The following CLDN18 variants were observed in gnomAD, a reference collection of about 807,000 sequenced individuals.
The protein encoded by CLDN18 is claudin 18, also known as claudin-18.
In CLDN18, 20 loss-of-function variants were observed where a neutral mutation model predicts 25.0. The ratio of observed to expected loss-of-function variants is 0.80; its 90% CI spans 0.56 to 1.16. CLDN18 has a LOEUF of 1.16. Among genes scored for constraint, CLDN18 ranks in the 50% most tolerant of loss-of-function variants. CLDN18 has a pLI of 0.00. For synonymous variants in CLDN18, 125 were observed against 135.6 expected, an observed-to-expected ratio of 0.92 and a Z score of 0.54; for missense variants, 297 against 345.4, an observed-to-expected ratio of 0.86 and a Z score of 1.11.
At chr3:138,001,856 T>C (rs1157569512) in intron 1 of CLDN18, among the ~76,000 whole-genome samples, 1 of 152,182 alleles carries the variant, frequency 6.6e-6, no homozygotes, top group African/African-American at 2.4e-5. Context: ...TCCTTATGCA[T>C]ATGTCTTATA....
intron 1 of CLDN18, among the ~76,000 whole-genome samples, chr3:138,019,478 G>T (rs1422289220): frequency 6.6e-6 from 1 of 152,064 alleles, no homozygotes; most frequent in Non-Finnish European, 1.5e-5. Context: ...CTCCACCAGG[G>T]CCCCAGTCCA....
intron 1 of CLDN18, among the ~76,000 whole-genome samples, chr3:138,018,859 C>T (rs1185557083): frequency 2.0e-5 from 3 of 152,208 alleles, no homozygotes; most frequent in Non-Finnish European, 2.9e-5. Flanking sequence ...GGTCTTCTGT[C>T]CATTTTTCCT....
At chr3:138,005,575 C>T (rs568888310), upstream of CLDN18, among the ~76,000 whole-genome samples, 10 of 152,110 alleles carry the variant, frequency 6.6e-5, no homozygotes, top group East Asian at 1.9e-4. Context: ...AACTCATATT[C>T]GTTTTTTTCA....
upstream of CLDN18, among the ~76,000 whole-genome samples, chr3:138,008,872 C>T (rs910312348): frequency 6.6e-6 from 1 of 152,070 alleles, no homozygotes; most frequent in African/African-American, 2.4e-5. Flanking sequence ...TTTGCAGTGA[C>T]CCCGATGACA....
At chr3:138,030,353 A>G (rs1942376221) in intron 4 of CLDN18, among the ~76,000 whole-genome samples, 2 of 152,244 alleles carry the variant, frequency 1.3e-5, no homozygotes, top group Admixed American at 6.5e-5. Context: ...CATCTGTTCC[A>G]AAACGTCAAC....
exon 1 of CLDN18, chr3:137,998,960 G>C: frequency 6.2e-7 from 1 of 1,614,242 alleles, no homozygotes; most frequent in Non-Finnish European, 8.5e-7. Flanking sequence ...GACCAGTGGA[G>C]CACCCAAGAC....
Position 138,026,798 on chromosome 3 carries a change from C to T in CLDN18, c.503+2074C>T, listed in dbSNP as rs141728299. On this transcript the variant is annotated intron_variant, in intron 3 of 4. Coordinates refer to ENST00000183605, the MANE Select transcript of CLDN18 (RefSeq NM_016369.4). ...GACGGGAAGGAAGGGAAGCCAAGCA[C>T]GGGCGTGATTTCAGGTGAAGCCCTG... Among the ~76,000 whole-genome samples, 351 of 152,250 alleles carry T rather than the reference C, an allele frequency of 2.3e-3. 2 individuals carry two copies. Among genetic ancestry groups the T allele is most frequent in the Middle Eastern group, 0.01 (3 of 294 alleles).
chr3:137,999,781 C>T (rs1443265759), intron 1 of CLDN18, among the ~76,000 whole-genome samples: 1 of 152,120 alleles, frequency 6.6e-6, no homozygotes, highest in Non-Finnish European at 1.5e-5. Context: ...TAGGGATTGG[C>T]ATATTCAATA....
chr3:138,006,715 A>G (rs1467480010), upstream of CLDN18, among the ~76,000 whole-genome samples: 1 of 152,218 alleles, frequency 6.6e-6, no homozygotes, highest in East Asian at 1.9e-4. Context: ...GAAGTGAAAA[A>G]TCCTATCTTC....
At chr3:138,017,990 T>C (rs1576409991) in intron 1 of CLDN18, among the ~76,000 whole-genome samples, 1 of 152,166 alleles carries the variant, frequency 6.6e-6, no homozygotes, top group African/African-American at 2.4e-5. Flanking sequence ...CCCATTTAGA[T>C]GGCAGAGGCA....
At chr3:138,017,185 C>T (rs1293924760) in intron 1 of CLDN18, among the ~76,000 whole-genome samples, 2 of 152,090 alleles carry the variant, frequency 1.3e-5, no homozygotes, top group Non-Finnish European at 2.9e-5. Context: ...TTCTTCTAGC[C>T]TTTTTTTCCT....
At position 138,010,444 on chromosome 3, in the gene CLDN18, AG is replaced by A; in HGVS notation, c.220+1del. 6.2e-7 allele frequency: 1 copy of A among 1,614,182 alleles called. No individual in the cohort carries two copies. The highest frequency in any genetic ancestry group is 8.5e-7 in the Non-Finnish European group (1 of 1,180,018). ...RPYFTILGLP[A>X]MLQAVRALMI... ...CCTATTTCACCATCCTGGGACTTCC[AG>A]GTAGGCACCGTGCACCCCGGGGTAG... is the stretch of plus-strand genomic sequence containing the variant. On this transcript the variant is annotated frameshift_variant and splice_region_variant, in exon 1 of 5. Transcript: ENST00000183605. LOFTEE classifies it high-confidence loss of function.
At chr3:138,002,410 G>A (rs532787558) in intron 1 of CLDN18, among the ~76,000 whole-genome samples, 6 of 152,158 alleles carry the variant, frequency 3.9e-5, no homozygotes, top group South Asian at 2.1e-4. Flanking sequence ...TGTACTGACC[G>A]CCAGCGTGCA....
intron 1 of CLDN18, among the ~76,000 whole-genome samples, chr3:138,003,284 T>C (rs995209296): frequency 6.6e-6 from 1 of 152,032 alleles, no homozygotes; most frequent in Non-Finnish European, 1.5e-5. Flanking sequence ...ACCACAGCAA[T>C]AAATTTTAGT....
chr3:138,023,683 G>A lies in CLDN18; in HGVS notation c.246G>A (p.Leu82=). The A allele has an allele frequency of 6.2e-7, 1 of 1,614,038 alleles. No individual in the cohort carries two copies. Among genetic ancestry groups the A allele is most frequent in the Non-Finnish European group, 8.5e-7 (1 of 1,180,010 alleles). Residue 82 remains leucine (L), a synonymous_variant, in exon 2 of 5, where the codon CTG becomes CTA. Transcript: ENST00000183605. The part of the protein sequence containing the change: ...LPAMLQAVRA[L]MIVGIVLGAI... ...CCATGCTGCAGGCAGTGCGAGCCCT[G>A]ATGATCGTAGGCATCGTCCTGGGTG...
chr3:138,024,178 AACTT>A (rs925284011), intron 2 of CLDN18, among the ~76,000 whole-genome samples: 3 of 152,260 alleles, frequency 2.0e-5, no homozygotes, highest in South Asian at 2.1e-4. Flanking sequence ...AAAAAAAAAA[AACTT>A]AGTTAGCTTT....
chr3:138,017,842 G>T (rs1174570909), intron 1 of CLDN18, among the ~76,000 whole-genome samples: 1 of 152,206 alleles, frequency 6.6e-6, no homozygotes, highest in African/African-American at 2.4e-5. Flanking sequence ...ATATGAAGAA[G>T]ACACCACAGG....
chr3:138,029,157 AT>A (rs913423114), intron 3 of CLDN18, among the ~76,000 whole-genome samples: 26 of 150,618 alleles, frequency 1.7e-4, no homozygotes, highest in African/African-American at 5.1e-4. Context: ...CTTGAGATTG[AT>A]TTTTTTTTTC....
At chr3:138,018,937 C>T (rs1176445083) in intron 1 of CLDN18, among the ~76,000 whole-genome samples, 52 of 152,140 alleles carry the variant, frequency 3.4e-4, no homozygotes, top group Non-Finnish European at 1.6e-4. Flanking sequence ...ATTTTCTTCC[C>T]CTCTTGCCCA....
Sources: allele counts gnomAD v4.1 joint callset (sites outside exome capture counted in the v4.1 genomes callset), GRCh38; gene constraint gnomAD v4.1.1; transcripts MANE v1.5; gene names NCBI Gene and HGNC (gene_info 2026-07-23, HGNC 2026-07-21).